Variants in DLG2 observed in about 807,000 individuals in gnomAD.
DLG2 encodes disks large homolog 2.
Under a neutral mutation model 132.5 loss-of-function variants are expected in DLG2, and 45 were observed. That is an observed-to-expected ratio of 0.34 (90% confidence interval 0.27 to 0.44). The LOEUF (loss-of-function observed/expected upper bound fraction) is 0.44, where lower values mean the gene tolerates loss of function less well. DLG2 is among the 20% of genes least tolerant of loss of function. The pLI is 1.00. For synonymous variants in DLG2, 424 were observed against 419.6 expected (o/e 1.01, Z -0.13); for missense variants, 1,045 against 1,196.9 (o/e 0.87, Z 1.87).
At chr11:84,071,077 G>C (rs2096749564) in intron 10 of DLG2, among the ~76,000 whole-genome samples, 1 of 151,656 alleles carries the variant, frequency 6.6e-6, no homozygotes, top group Admixed American at 6.6e-5. Context: ...TTCATTTTTA[G>C]TTAATTAATT....
intron 18 of DLG2, among the ~76,000 whole-genome samples, chr11:83,683,610 G>A (rs1235267512): frequency 2.0e-5 from 3 of 152,138 alleles, no homozygotes; most frequent in South Asian, 4.1e-4. Flanking sequence ...TGTTTTATCT[G>A]TAAAATGGGT....
intron 8 of DLG2, among the ~76,000 whole-genome samples, chr11:84,167,534 C>T (rs1012342166): frequency 2.6e-5 from 4 of 152,104 alleles, no homozygotes; most frequent in African/African-American, 9.7e-5. Context: ...CCATACATAA[C>T]AAATGTGAAC....
intron 7 of DLG2, chr11:84,437,874 T>TA (rs1398999776): frequency 2.0e-5 from 3 of 152,566 alleles, no homozygotes; most frequent in Admixed American, 2.0e-4. Flanking sequence ...CTTGGGCAGT[T>TA]ACAATCCTCG....
chr11:84,163,440 T>A (rs757678418), intron 9 of DLG2, 21 bp downstream of exon 9: 1 of 1,594,112 alleles, frequency 6.3e-7, no homozygotes, highest in East Asian at 2.3e-5. Flanking sequence ...GGGCTTTGGA[T>A]TTTTCAAAAT....
intron 3 of DLG2, among the ~76,000 whole-genome samples, chr11:85,551,449 C>T (rs1236741774): frequency 6.6e-6 from 1 of 151,892 alleles, no homozygotes; most frequent in Non-Finnish European, 1.5e-5. Flanking sequence ...TATAATTGTA[C>T]CAATGTTGCT....
At chr11:83,546,661 G>A (rs1339221377) in intron 19 of DLG2, among the ~76,000 whole-genome samples, 1 of 151,730 alleles carries the variant, frequency 6.6e-6, no homozygotes, top group East Asian at 1.9e-4. Flanking sequence ...AGTATAGGTA[G>A]ATGTGTCTCA....
At chr11:84,652,268 G>A (rs1371274833) in intron 6 of DLG2, among the ~76,000 whole-genome samples, 2 of 151,994 alleles carry the variant, frequency 1.3e-5, no homozygotes, top group Non-Finnish European at 2.9e-5. Context: ...TCTTTTTCTC[G>A]AGTTTTGTAA....
At chr11:85,370,888 T>C (rs1365108502) in intron 3 of DLG2, among the ~76,000 whole-genome samples, 1 of 152,204 alleles carries the variant, frequency 6.6e-6, no homozygotes, top group Non-Finnish European at 1.5e-5. Context: ...ATAATGCTAA[T>C]ATATGTTCCA....
intron 9 of DLG2, among the ~76,000 whole-genome samples, chr11:84,150,472 G>T (rs2095258675): frequency 6.6e-6 from 1 of 152,148 alleles, no homozygotes; most frequent in Admixed American, 6.5e-5. Context: ...CTTTTTGGTG[G>T]AGTATTTAGG....
At chr11:84,376,730 T>G (rs1270755844) in intron 7 of DLG2, among the ~76,000 whole-genome samples, 1 of 151,796 alleles carries the variant, frequency 6.6e-6, no homozygotes, top group Non-Finnish European at 1.5e-5. Flanking sequence ...AAACAACTCA[T>G]TTCAGCACAG....
intron 6 of DLG2, among the ~76,000 whole-genome samples, chr11:85,000,260 G>A (rs935193375): frequency 7.9e-5 from 12 of 152,174 alleles, no homozygotes; most frequent in African/African-American, 2.2e-4. Flanking sequence ...TTGCTCATTC[G>A]ATCTTCAAGA....
intron 2 of DLG2, among the ~76,000 whole-genome samples, chr11:85,620,174 T>C (rs1354981634): frequency 1.3e-5 from 2 of 152,254 alleles, no homozygotes; most frequent in African/African-American, 2.4e-5. Context: ...CAGTGATCTG[T>C]AATCAGTGAT....
intron 18 of DLG2, chr11:83,724,889 G>T (rs1289461654): frequency 1.4e-6 from 1 of 702,364 alleles, no homozygotes; most frequent in African/African-American, 1.7e-5. Context: ...GGGGTTTTCA[G>T]CATAGCAGGC....
At chr11:85,317,112 G>C (rs1008286955) in intron 3 of DLG2, among the ~76,000 whole-genome samples, 9 of 151,834 alleles carry the variant, frequency 5.9e-5, no homozygotes, top group Non-Finnish European at 1.2e-4. Context: ...TTGTATTCCA[G>C]GCAAGTAAAC....
At chr11:84,728,832 T>G (rs1262714963) in intron 6 of DLG2, among the ~76,000 whole-genome samples, 1 of 152,208 alleles carries the variant, frequency 6.6e-6, no homozygotes, top group East Asian at 1.9e-4. Flanking sequence ...GGTGCATGTG[T>G]CCAGGAATTT....
At chr11:85,622,630 A>G (rs1452754973) in intron 2 of DLG2, among the ~76,000 whole-genome samples, 3 of 151,358 alleles carry the variant, frequency 2.0e-5, no homozygotes, top group African/African-American at 7.2e-5. Context: ...CCCAGAGGAA[A>G]AAAAAAAAAA....
chr11:84,199,445 GA>G (rs138517007), intron 8 of DLG2, among the ~76,000 whole-genome samples: 257 of 152,068 alleles, frequency 1.7e-3, no homozygotes, highest in African/African-American at 5.7e-3. Flanking sequence ...AAAAAAGCAA[GA>G]AAATAGGATC....
intron 6 of DLG2, among the ~76,000 whole-genome samples, chr11:84,880,083 C>T (rs2087047737): frequency 6.6e-6 from 1 of 151,840 alleles, no homozygotes; most frequent in Non-Finnish European, 1.5e-5. Context: ...TCACTTGGGA[C>T]AAAGAGATGA....
intron 6 of DLG2, among the ~76,000 whole-genome samples, chr11:84,568,894 T>C (rs1283264170): frequency 6.6e-6 from 1 of 152,206 alleles, no homozygotes; most frequent in East Asian, 1.9e-4. Flanking sequence ...TCTTTAATTG[T>C]AAAATTCTAA....
Sources: gnomAD v4.1 joint callset for allele counts (sites outside exome capture counted in the v4.1 genomes callset) on GRCh38, gnomAD v4.1.1 for gene constraint, MANE v1.5 for transcripts, NCBI Gene and HGNC (gene_info 2026-07-23, HGNC 2026-07-21) for gene names.